The following NTM variants were observed in gnomAD, a reference collection of about 807,000 sequenced individuals.
NTM encodes the protein neurotrimin, also known as IgLON family member 2.
In NTM, 13 loss-of-function variants were observed where a neutral mutation model predicts 42.1. The observed-to-expected ratio is 0.31, with a 90% CI of 0.20 to 0.49. NTM has a LOEUF of 0.49. Ranked by LOEUF, NTM falls within the 20% of genes least tolerant of loss-of-function variation. NTM has a pLI of 0.99. For synonymous variants in NTM, 187 were observed against 179.2 expected (o/e 1.04, Z -0.35); for missense variants, 373 against 452.8 (o/e 0.82, Z 1.60).
At chr11:131,508,492 C>A in intron 1 of NTM, among the ~76,000 whole-genome samples, 1 of 136,248 alleles carries the variant, frequency 7.3e-6, no homozygotes, top group African/African-American at 2.9e-5. Context: ...CCTCAGGGAT[C>A]TAGAACTGGA....
chr11:131,498,985 G>A (rs1178054454), intron 1 of NTM, among the ~76,000 whole-genome samples: 1 of 152,132 alleles, frequency 6.6e-6, no homozygotes, highest in African/African-American at 2.4e-5. Context: ...GCCTTCTGGG[G>A]AGGCAGCATC....
chr11:132,021,845 AT>A (rs2074388017), intron 2 of NTM, among the ~76,000 whole-genome samples: 1 of 152,064 alleles, frequency 6.6e-6, no homozygotes, highest in African/African-American at 2.4e-5. Flanking sequence ...GTCTCCTGAT[AT>A]TTGCTTCCTA....
intron 1 of NTM, among the ~76,000 whole-genome samples, chr11:131,872,614 T>A (rs1477900666): frequency 6.6e-6 from 1 of 152,200 alleles, no homozygotes; most frequent in Non-Finnish European, 1.5e-5. Context: ...CATGTATAGT[T>A]GAAAGAATAT....
intron 1 of NTM, among the ~76,000 whole-genome samples, chr11:131,408,819 A>G (rs962824113): frequency 6.6e-6 from 1 of 152,240 alleles, no homozygotes; most frequent in Non-Finnish European, 1.5e-5. Context: ...AACTTTTGTC[A>G]GGGATTCCAT....
At chr11:131,918,604 T>C (rs1592852588) in intron 2 of NTM, among the ~76,000 whole-genome samples, 1 of 152,226 alleles carries the variant, frequency 6.6e-6, no homozygotes, top group East Asian at 1.9e-4. Context: ...AGATGGGTGG[T>C]GTCTGACTCC....
At chr11:132,315,233 C>G (rs732897) in intron 7 of NTM, among the ~76,000 whole-genome samples, 1 of 152,064 alleles carries the variant, frequency 6.6e-6, no homozygotes, top group Non-Finnish European at 1.5e-5. Context: ...TGTCTCCAGT[C>G]GCTGGGACAT....
At chr11:131,653,936 T>A (rs2066840293) in intron 1 of NTM, among the ~76,000 whole-genome samples, 1 of 152,218 alleles carries the variant, frequency 6.6e-6, no homozygotes. Context: ...ATTGAAGGTG[T>A]TTGCTCAATA....
chr11:131,722,857 C>A lies in NTM; in HGVS notation c.83-188707C>A, dbSNP rs578052694. On this transcript the variant is annotated intron_variant, in intron 1 of 8. Transcript: ENST00000683400. ...CTTTCCCAATGAGAACAGAGTGACC[C>A]AGAAACATTGTGTGAAATATCTAAA... Among the ~76,000 whole-genome samples, 428 of 152,314 alleles carry A rather than the reference C, an allele frequency of 2.8e-3. 3 individuals are homozygous for A. Among genetic ancestry groups the A allele is most frequent in the African/African-American group, 1.0e-2 (415 of 41,562 alleles).
chr11:131,607,108 C>A (rs2061035039), intron 1 of NTM, among the ~76,000 whole-genome samples: 1 of 152,208 alleles, frequency 6.6e-6, no homozygotes, highest in African/African-American at 2.4e-5. Flanking sequence ...AGCTTTTGAG[C>A]AGCTAAAATG....
At chr11:131,658,642 C>T (rs1438685143) in intron 1 of NTM, among the ~76,000 whole-genome samples, 1 of 152,192 alleles carries the variant, frequency 6.6e-6, no homozygotes, top group Non-Finnish European at 1.5e-5. Flanking sequence ...AGATGCAAAG[C>T]CACAGAGCAG....
chr11:132,304,486 C>T (rs1193372358), intron 4 of NTM, among the ~76,000 whole-genome samples: 1 of 152,008 alleles, frequency 6.6e-6, no homozygotes, highest in Non-Finnish European at 1.5e-5. Context: ...TTCATAGCCA[C>T]AGCACAAATG....
chr11:131,820,463 AAT>A (rs2093137070), intron 1 of NTM, among the ~76,000 whole-genome samples: 1 of 152,226 alleles, frequency 6.6e-6, no homozygotes, highest in Non-Finnish European at 1.5e-5. Flanking sequence ...TTATGAAATA[AAT>A]ATGTATTATG....
At chr11:131,744,187 G>A (rs1025878837) in intron 1 of NTM, among the ~76,000 whole-genome samples, 2 of 152,120 alleles carry the variant, frequency 1.3e-5, no homozygotes, top group African/African-American at 4.8e-5. Context: ...CCATTGAGAG[G>A]ATTAATTTGT....
intron 1 of NTM, among the ~76,000 whole-genome samples, chr11:131,860,035 G>A (rs1435004760): frequency 2.6e-5 from 4 of 152,152 alleles, no homozygotes; most frequent in Non-Finnish European, 5.9e-5. Context: ...AGAGTCTGCT[G>A]AGTGCAGAGA....
chr11:132,033,883 G>A (rs914016166), intron 2 of NTM, among the ~76,000 whole-genome samples: 4 of 152,180 alleles, frequency 2.6e-5, no homozygotes, highest in Non-Finnish European at 4.4e-5. Flanking sequence ...TACAATTTGA[G>A]ATTGATGATG....
intron 2 of NTM, among the ~76,000 whole-genome samples, chr11:132,134,755 A>ATATATATCTATATC (rs2067538628): frequency 1.2e-5 from 1 of 80,226 alleles, no homozygotes; most frequent in Non-Finnish European, 2.5e-5. Context: ...ATATATATAT[A>ATATATATCTATATC]TATATCTCAC....
At chr11:131,570,083 A>G (rs369629727) in intron 1 of NTM, among the ~76,000 whole-genome samples, 18 of 152,178 alleles carry the variant, frequency 1.2e-4, no homozygotes, top group African/African-American at 4.1e-4. Flanking sequence ...TATTCTGTCT[A>G]TATCAGTCTT....
In NTM at chr11:131,583,067, A is replaced by G. The variant is rs377462211; in HGVS notation, c.82+212179A>G. On this transcript the variant is annotated intron_variant, in intron 1 of 8. Transcript: ENST00000683400. ...GGTAGCGTCTCCCTGGCTCTCTTTG[A>G]TGATCCAAATGCATCACTAACCTAT... Among the ~76,000 whole-genome samples the G allele has an allele frequency of 5.3e-4, 81 of 152,288 alleles. 1 individual carries two copies. The South Asian group carries it at 0.017, about 31-fold the overall frequency.
chr11:131,467,990 C>T (rs562959491), intron 1 of NTM, among the ~76,000 whole-genome samples: 1 of 152,356 alleles, frequency 6.6e-6, no homozygotes, highest in South Asian at 2.1e-4. Context: ...GCATCCGAAA[C>T]GTTCCAAAAC....
Sources: allele counts gnomAD v4.1 joint callset (sites outside exome capture counted in the v4.1 genomes callset), GRCh38; gene constraint gnomAD v4.1.1; transcripts MANE v1.5; gene names NCBI Gene and HGNC (gene_info 2026-07-23, HGNC 2026-07-21).